Variants in MACROD2 observed in about 807,000 individuals in gnomAD.
The protein encoded by MACROD2 is ADP-ribose glycohydrolase MACROD2.
A neutral mutation model predicts 70.4 loss-of-function variants in MACROD2; 36 were observed. That is an observed-to-expected ratio of 0.51 (90% CI 0.39 to 0.68). The LOEUF (loss-of-function observed/expected upper bound fraction) is 0.68. Ranked by LOEUF, MACROD2 falls within the 30% of genes least tolerant of loss-of-function variation. The probability of loss-of-function intolerance (pLI) is 0.00; values close to 1 mark genes in which losing one functional copy is unlikely to be tolerated. For missense variants in MACROD2, 496 were observed against 538.4 expected (o/e 0.92, Z 0.78); for synonymous variants, 172 against 178.8 (o/e 0.96, Z 0.30).
intron 8 of MACROD2, among the ~76,000 whole-genome samples, chr20:15,610,253 G>T (rs200739): frequency 0.36 from 54,674 of 151,992 alleles, 10,741 homozygotes; most frequent in African/African-American, 0.53. Context: ...GATCTTAGTT[G>T]CCTAGAGCAC....
intron 4 of MACROD2, among the ~76,000 whole-genome samples, chr20:14,520,419 A>G (rs1035911042): frequency 6.6e-6 from 1 of 151,710 alleles, no homozygotes; most frequent in Non-Finnish European, 1.5e-5. Flanking sequence ...CTTATCCTTG[A>G]GTAGGTTTGT....
chr20:15,734,495 A>T (rs1417644108), intron 8 of MACROD2, among the ~76,000 whole-genome samples: 2 of 152,142 alleles, frequency 1.3e-5, no homozygotes, highest in Non-Finnish European at 2.9e-5. Context: ...TCACTAGAAG[A>T]TTTCATGTGA....
chr20:14,178,749 T>TTG (rs1311796068), intron 3 of MACROD2, among the ~76,000 whole-genome samples: 2 of 147,238 alleles, frequency 1.4e-5, no homozygotes, highest in Non-Finnish European at 3.0e-5. Flanking sequence ...TTTTTTTTTT[T>TTG]GACCGTAGTG....
intron 5 of MACROD2, among the ~76,000 whole-genome samples, chr20:15,192,433 A>T (rs2076578344): frequency 6.6e-6 from 1 of 152,248 alleles, no homozygotes; most frequent in South Asian, 2.1e-4. Flanking sequence ...TTAAAATTGT[A>T]CTGTGAGAGT....
At chr20:14,337,434 C>A in intron 3 of MACROD2, 1 of 331,662 alleles carries the variant, frequency 3.0e-6, no homozygotes, top group Non-Finnish European at 5.4e-6. Flanking sequence ...ATCCTATATA[C>A]ACTGCCGCTA....
intron 3 of MACROD2, among the ~76,000 whole-genome samples, chr20:14,424,122 CT>C (rs1462123089): frequency 6.6e-6 from 1 of 151,960 alleles, no homozygotes; most frequent in African/African-American, 2.4e-5. Context: ...TACTTATGCC[CT>C]GCAAAGTAAT....
At position 16,000,863 on chromosome 20, in the gene MACROD2, C is replaced by G. The variant is rs191534169; in HGVS notation, c.1153+13705C>G. 5.9e-5 allele frequency among the ~76,000 whole-genome samples: 9 copies of G among 152,188 alleles called. No individual in the cohort carries two copies. The South Asian group carries it at 6.2e-4, about 11-fold the overall frequency. On this transcript the variant is annotated intron_variant, in intron 15 of 17. Coordinates refer to ENST00000684519, the MANE Select transcript of MACROD2 (RefSeq NM_001351661.2). ...TTATGTATACATTTTTTGTAAAAAC[C>G]AAAATATTGTCAACCCAAAATTTAA...
chr20:15,846,569 A>C (rs371496784), intron 8 of MACROD2, among the ~76,000 whole-genome samples: 122 of 152,248 alleles, frequency 8.0e-4, no homozygotes, highest in African/African-American at 2.8e-3. Context: ...CATTTTTGGC[A>C]GAACAAAGGA....
chr20:15,313,357 A>G (rs1004612062), intron 6 of MACROD2, among the ~76,000 whole-genome samples: 1 of 151,962 alleles, frequency 6.6e-6, no homozygotes, highest in Non-Finnish European at 1.5e-5. Context: ...CTACAAAAAA[A>G]TTAGCCAGGC....
At chr20:15,734,435 G>A (rs951165779) in intron 8 of MACROD2, among the ~76,000 whole-genome samples, 1 of 152,144 alleles carries the variant, frequency 6.6e-6, no homozygotes, top group South Asian at 2.1e-4. Context: ...CAAGACATTG[G>A]TACAAGCCAG....
At chr20:14,337,518 A>C in intron 3 of MACROD2, 1 of 398,680 alleles carries the variant, frequency 2.5e-6, no homozygotes, top group Non-Finnish European at 4.4e-6. Context: ...TCCAGTCCAC[A>C]CAAAGCCCAC....
intron 3 of MACROD2, among the ~76,000 whole-genome samples, chr20:14,097,055 A>G (rs2054237071): frequency 6.6e-6 from 1 of 152,202 alleles, no homozygotes. Context: ...TCCCACACTT[A>G]GAACAACCCA....
At chr20:15,933,955 T>G (rs1295284993) in intron 11 of MACROD2, among the ~76,000 whole-genome samples, 2 of 152,178 alleles carry the variant, frequency 1.3e-5, no homozygotes, top group African/African-American at 4.8e-5. Context: ...AATTGAACAT[T>G]TTAAAATAAA....
chr20:14,987,803 C>G (rs942898386), intron 5 of MACROD2, among the ~76,000 whole-genome samples: 6 of 151,992 alleles, frequency 3.9e-5, no homozygotes, highest in Admixed American at 1.3e-4. Flanking sequence ...TTATAGAGGT[C>G]TTCAGAACGC....
At chr20:15,976,648 T>C (rs2066310471) in intron 13 of MACROD2, among the ~76,000 whole-genome samples, 1 of 152,230 alleles carries the variant, frequency 6.6e-6, no homozygotes, top group African/African-American at 2.4e-5. Context: ...GCATACCTTG[T>C]CTTTGTGCAA....
At chr20:14,523,146 G>C (rs1386075188) in intron 4 of MACROD2, among the ~76,000 whole-genome samples, 1 of 152,070 alleles carries the variant, frequency 6.6e-6, no homozygotes, top group Admixed American at 6.6e-5. Context: ...GCATGTTTCT[G>C]CTGTAGAAAA....
chr20:14,093,989 TA>T (rs373215568), intron 3 of MACROD2, among the ~76,000 whole-genome samples: 11 of 149,456 alleles, frequency 7.4e-5, no homozygotes, highest in African/African-American at 2.3e-4. Flanking sequence ...TTTTTTTTTT[TA>T]AAATTTTTTT....
chr20:14,374,135 C>G (rs919048528), intron 3 of MACROD2, among the ~76,000 whole-genome samples: 1 of 152,086 alleles, frequency 6.6e-6, no homozygotes, highest in Non-Finnish European at 1.5e-5. Context: ...ATGTTCAACA[C>G]TAATTATACT....
chr20:15,358,492 CAAAT>C (rs11467822), intron 6 of MACROD2, among the ~76,000 whole-genome samples: 27,122 of 151,586 alleles, frequency 0.18, 2,840 homozygotes, highest in East Asian at 0.47. Context: ...ACTTGATCAA[CAAAT>C]AAATATATTG....
Sources: allele counts gnomAD v4.1 joint callset (sites outside exome capture counted in the v4.1 genomes callset), GRCh38; gene constraint gnomAD v4.1.1; transcripts MANE v1.5; gene names NCBI Gene and HGNC (gene_info 2026-07-23, HGNC 2026-07-21).